Variants in PTPRD observed in about 807,000 individuals in gnomAD.
PTPRD encodes the protein protein tyrosine phosphatase receptor type D.
PTPRD carries 34 observed loss-of-function variants against 214.5 expected under a neutral mutation model. The ratio of observed to expected loss-of-function variants is 0.16; its 90% CI spans 0.12 to 0.21. PTPRD has a LOEUF of 0.21. Among genes scored for constraint, PTPRD ranks in the 10% least tolerant of loss-of-function variants. The probability of loss-of-function intolerance (pLI) is 1.00; values close to 1 mark genes in which losing one functional copy is unlikely to be tolerated. For synonymous variants in PTPRD, 1,128 were observed against 845.7 expected (o/e 1.33, Z -5.79); for missense variants, 2,545 against 2,398.7 (o/e 1.06, Z -1.27).
At chr9:8,352,543 T>C (rs934690897) in intron 39 of PTPRD, among the ~76,000 whole-genome samples, 1 of 152,158 alleles carries the variant, frequency 6.6e-6, no homozygotes, top group African/African-American at 2.4e-5. Context: ...GTGGGTTGTA[T>C]ACTGCTCAAC....
intron 2 of PTPRD, among the ~76,000 whole-genome samples, chr9:10,510,534 C>T (rs1435135015): frequency 1.3e-5 from 2 of 151,938 alleles, no homozygotes; most frequent in Non-Finnish European, 2.9e-5. Context: ...CGGCATATCG[C>T]TTTTTTGTTT....
chr9:9,149,219 T>A (rs1280798611), intron 10 of PTPRD, among the ~76,000 whole-genome samples: 1 of 152,218 alleles, frequency 6.6e-6, no homozygotes, highest in Non-Finnish European at 1.5e-5. Context: ...ATCTACCTCG[T>A]AGCCTTACTG....
At chr9:9,762,213 G>A (rs1336307672) in intron 6 of PTPRD, among the ~76,000 whole-genome samples, 2 of 152,118 alleles carry the variant, frequency 1.3e-5, no homozygotes, top group East Asian at 1.9e-4. Flanking sequence ...AATGTTTGCA[G>A]CCAAAAAGCC....
At chr9:8,817,261 C>G (rs769299505) in intron 11 of PTPRD, among the ~76,000 whole-genome samples, 2 of 152,192 alleles carry the variant, frequency 1.3e-5, no homozygotes, top group Non-Finnish European at 1.5e-5. Flanking sequence ...ATCTGACACT[C>G]AGCTCCAGAG....
intron 10 of PTPRD, among the ~76,000 whole-genome samples, chr9:9,111,281 C>G (rs1020358202): frequency 7.0e-6 from 1 of 142,054 alleles, no homozygotes; most frequent in African/African-American, 2.6e-5. Context: ...TAGCTTCTCT[C>G]AGCTCTTAGT....
chr9:10,517,969 T>C (rs186241917), intron 2 of PTPRD, among the ~76,000 whole-genome samples: 4 of 152,236 alleles, frequency 2.6e-5, no homozygotes, highest in African/African-American at 9.6e-5. Context: ...ACTTATTGAA[T>C]ACGAATTGGA....
At chr9:9,419,254 A>C (rs1363145918) in intron 8 of PTPRD, among the ~76,000 whole-genome samples, 1 of 61,494 alleles carries the variant, frequency 1.6e-5, no homozygotes, top group African/African-American at 5.7e-5. Flanking sequence ...AGACAGTCTC[A>C]TTGTAAGAAA....
intron 11 of PTPRD, among the ~76,000 whole-genome samples, chr9:8,743,534 A>G (rs1255800827): frequency 6.6e-6 from 1 of 152,194 alleles, no homozygotes; most frequent in Non-Finnish European, 1.5e-5. Flanking sequence ...GCTGTCATAA[A>G]TGGCTAAGGA....
intron 11 of PTPRD, among the ~76,000 whole-genome samples, chr9:8,938,193 G>C (rs897022835): frequency 8.5e-5 from 13 of 152,170 alleles, no homozygotes; most frequent in African/African-American, 2.6e-4. Context: ...GTGGATGGTA[G>C]AGCTATTAAA....
chr9:9,674,923 G>T (rs1365966841), intron 7 of PTPRD, among the ~76,000 whole-genome samples: 1 of 151,424 alleles, frequency 6.6e-6, no homozygotes, highest in African/African-American at 2.4e-5. Flanking sequence ...TGAACAAAAA[G>T]ACAAAAAAAA....
chr9:9,200,599 C>G (rs1393114830), intron 9 of PTPRD, among the ~76,000 whole-genome samples: 2 of 152,180 alleles, frequency 1.3e-5, no homozygotes, highest in Non-Finnish European at 2.9e-5. Flanking sequence ...GGATTCCAAC[C>G]AAGACTGTCT....
At chr9:9,611,130 G>T (rs1256999678) in intron 7 of PTPRD, among the ~76,000 whole-genome samples, 1 of 152,068 alleles carries the variant, frequency 6.6e-6, no homozygotes, top group Non-Finnish European at 1.5e-5. Context: ...GCTACATGAT[G>T]TACCATAATT....
chr9:10,080,508 G>A (rs1160448645), intron 3 of PTPRD, among the ~76,000 whole-genome samples: 1 of 152,050 alleles, frequency 6.6e-6, no homozygotes, highest in East Asian at 1.9e-4. Flanking sequence ...GGAATGTGAA[G>A]GGTGACAAGC....
At chr9:9,649,873 A>G (rs1195125610) in intron 7 of PTPRD, among the ~76,000 whole-genome samples, 1 of 152,138 alleles carries the variant, frequency 6.6e-6, no homozygotes, top group East Asian at 1.9e-4. Context: ...ATTTTTCCTC[A>G]TTTCTCAGAA....
At chr9:10,435,219 AGT>A (rs2098709603) in intron 2 of PTPRD, among the ~76,000 whole-genome samples, 1 of 151,994 alleles carries the variant, frequency 6.6e-6, no homozygotes, top group Non-Finnish European at 1.5e-5. Flanking sequence ...TGTTCCCTCA[AGT>A]GTAGCCAGTG....
chr9:9,043,945 AAAATAAAATAAAATG>A (rs1482205680), intron 10 of PTPRD, among the ~76,000 whole-genome samples: 6 of 148,320 alleles, frequency 4.0e-5, no homozygotes, highest in Non-Finnish European at 7.4e-5. Flanking sequence ...AAAATAAAAT[AAAATAAAATAAAATG>A]AAAGTAAAAT....
chr9:8,381,642 C>T (rs1423367428), intron 37 of PTPRD, among the ~76,000 whole-genome samples: 1 of 152,174 alleles, frequency 6.6e-6, no homozygotes, highest in Non-Finnish European at 1.5e-5. Context: ...TGCAGCTTTT[C>T]ATATATACAG....
At chr9:9,459,863 C>G (rs150524139) in intron 8 of PTPRD, among the ~76,000 whole-genome samples, 258 of 152,090 alleles carry the variant, frequency 1.7e-3, no homozygotes, top group African/African-American at 5.9e-3. Context: ...TCATATGGAA[C>G]CCAAAAAGAG....
intron 3 of PTPRD, among the ~76,000 whole-genome samples, chr9:10,235,722 A>G (rs1446304087): frequency 1.3e-5 from 2 of 152,044 alleles, no homozygotes; most frequent in Non-Finnish European, 2.9e-5. Context: ...ATCTCACTTT[A>G]TAGATTATGT....
Sources: allele counts gnomAD v4.1 joint callset (sites outside exome capture counted in the v4.1 genomes callset), GRCh38; gene constraint gnomAD v4.1.1; transcripts MANE v1.5; gene names NCBI Gene and HGNC (gene_info 2026-07-23, HGNC 2026-07-21).